The following ATPAF2 variants were observed in gnomAD, a reference collection of about 807,000 sequenced individuals.
ATPAF2 encodes the protein ATP12 homolog.
In ATPAF2, 30 loss-of-function variants were observed where a neutral mutation model predicts 36.6. That is an observed-to-expected ratio of 0.82 (90% CI 0.61 to 1.11). ATPAF2 has a LOEUF of 1.11. Among genes scored for constraint, ATPAF2 ranks in the 50% most tolerant of loss-of-function variants. The pLI is 0.00. For synonymous variants in ATPAF2, 140 were observed against 152.6 expected (o/e 0.92, Z 0.61); for missense variants, 321 against 372.3 (o/e 0.86, Z 1.13).
chr17:18,031,893 C>T (rs2044641703), intron 1 of ATPAF2, among the ~76,000 whole-genome samples: 1 of 152,204 alleles, frequency 6.6e-6, no homozygotes, highest in Non-Finnish European at 1.5e-5. Flanking sequence ...ATACGTTTGA[C>T]ACTAAAATTA....
At chr17:18,020,670 TA>T (rs2044456867) in intron 7 of ATPAF2, 1 of 179,572 alleles carries the variant, frequency 5.6e-6, no homozygotes, top group African/African-American at 2.4e-5. Context: ...TTATTGTTAT[TA>T]TCTTACCTTT....
In ATPAF2 at chr17:18,021,109, G is replaced by T; in HGVS notation, c.732+14C>A. 1 of 1,608,208 alleles carries T rather than the reference G, an allele frequency of 6.2e-7. No individual in the cohort carries two copies. The highest frequency in any genetic ancestry group is 8.5e-7 in the Non-Finnish European group (1 of 1,177,292). ...TAGGAAGGGGGAGGCGGGACCTGAGGTGCTGCTCCTCACCTGGTACTCCTC... is the reference window on the plus strand; with the variant it reads ...TAGGAAGGGGGAGGCGGGACCTGAGTTGCTGCTCCTCACCTGGTACTCCTC... On this transcript the variant is annotated intron_variant, in intron 7 of 7. Transcript: ENST00000474627.
intron 5 of ATPAF2, among the ~76,000 whole-genome samples, chr17:18,022,164 C>G (rs1482777347): frequency 1.3e-5 from 2 of 152,204 alleles, no homozygotes; most frequent in Non-Finnish European, 2.9e-5. Context: ...GAATCTCCAT[C>G]AAAAGGCCAT....
At chr17:18,025,934 A>G (rs2044538583) in intron 4 of ATPAF2, 2 of 344,776 alleles carry the variant, frequency 5.8e-6, no homozygotes, top group South Asian at 2.7e-5. Flanking sequence ...AGAACTGGAG[A>G]AGGACACTCC....
At position 18,018,478 on chromosome 17, in the gene ATPAF2, G is replaced by A; in HGVS notation, c.*71C>T. The A allele has an allele frequency of 1.9e-6, 3 of 1,601,098 alleles. No homozygotes were observed. The highest frequency in any genetic ancestry group is 2.2e-5 in the East Asian group (1 of 44,848). On this transcript the variant is annotated 3_prime_UTR_variant, in exon 8 of 8. Coordinates refer to ENST00000474627, the MANE Select transcript of ATPAF2 (RefSeq NM_145691.4). The stretch of plus-strand genomic sequence containing the variant: ...GCCAAGGAAGCCAGCCCCACAGGCT[G>A]GGGAGCCCTGAAGGCCGGGGGAGCT...
intron 5 of ATPAF2, among the ~76,000 whole-genome samples, chr17:18,022,448 A>AT (rs1315705193): frequency 2.0e-5 from 3 of 151,656 alleles, no homozygotes; most frequent in African/African-American, 7.3e-5. Context: ...CACCTAGCTA[A>AT]TTTTTTTTGT....
At chr17:18,038,430 G>C (rs1460281767) in intron 1 of ATPAF2, among the ~76,000 whole-genome samples, 1 of 152,190 alleles carries the variant, frequency 6.6e-6, no homozygotes, top group Non-Finnish European at 1.5e-5. Context: ...GAAGTGCCCG[G>C]GATGGAGGAA....
intron 1 of ATPAF2, among the ~76,000 whole-genome samples, chr17:18,035,933 C>T (rs2955385): frequency 0.4 from 61,160 of 152,094 alleles, 13,437 homozygotes; most frequent in East Asian, 0.87. Flanking sequence ...TTGACTTCAT[C>T]AGGCAGTTGC....
chr17:18,019,750 T>C (rs988837571), intron 7 of ATPAF2, among the ~76,000 whole-genome samples: 13 of 152,266 alleles, frequency 8.5e-5, no homozygotes, highest in Non-Finnish European at 1.5e-4. Flanking sequence ...ACACAAGCTA[T>C]TTGAACTTCT....
In ATPAF2 at chr17:18,018,050, C is replaced by T. The variant is rs1420997260; in HGVS notation, c.*499G>A. The T allele has an allele frequency of 1.1e-5, 2 of 178,512 alleles. No individual in the cohort carries two copies. Among genetic ancestry groups the T allele is most frequent in the Admixed American group, 5.4e-5 (1 of 18,664 alleles). 11.1% of individuals were successfully genotyped at this position (178,512 alleles called of 1,614,324 possible). A position where few individuals can be genotyped will look rare whatever the true frequency, so the allele number is the denominator to read the frequency against. ...TTCAAAAGATTGTTTGATTAAAAGC[C>T]AGCCAAAAAAAAGCCTTCAGGCTGA... On this transcript the variant is annotated 3_prime_UTR_variant, in exon 8 of 8. Coordinates refer to ENST00000474627, the MANE Select transcript of ATPAF2 (RefSeq NM_145691.4).
At chr17:18,035,666 T>C (rs2044693442) in intron 1 of ATPAF2, among the ~76,000 whole-genome samples, 1 of 152,252 alleles carries the variant, frequency 6.6e-6, no homozygotes, top group African/African-American at 2.4e-5. Context: ...GTTCCAACTA[T>C]TCAACTCTGC....
chr17:18,016,319 G>T (rs566693343), downstream of ATPAF2: 178 of 1,159,714 alleles, frequency 1.5e-4, 3 homozygotes, highest in Middle Eastern at 1.3e-3. Context: ...TAAAATTAAG[G>T]ATTATAGAAT....
At chr17:18,023,291 C>T (rs7215524) in intron 5 of ATPAF2, among the ~76,000 whole-genome samples, 60,936 of 151,146 alleles carry the variant, frequency 0.4, 13,396 homozygotes, top group East Asian at 0.87. Flanking sequence ...ATTAGCTGGG[C>T]GTGGTGGGCG....
rs1403894663 is a variant in ATPAF2, at chr17:18,018,696, GGACAA to G, written c.733-15_733-11del. The G allele has an allele frequency of 9.9e-6, 16 of 1,613,814 alleles. No homozygotes were observed. Among genetic ancestry groups the G allele is most frequent in the African/African-American group, 2.7e-5 (2 of 74,932 alleles). ...TGCCCCACTTCTGGATCTGAGGGAA[GGACAA>G]GACAAGTTGCTGGGTGAGTGGCCAG... is the stretch of plus-strand genomic sequence containing the variant. On this transcript the variant is annotated splice_polypyrimidine_tract_variant and intron_variant, in intron 7 of 7. Coordinates refer to ENST00000474627, the MANE Select transcript of ATPAF2 (RefSeq NM_145691.4).
At chr17:18,028,480 A>G in intron 2 of ATPAF2, 103 bp from the exon 3 acceptor site, 1 of 1,544,564 alleles carries the variant, frequency 6.5e-7, no homozygotes, top group African/African-American at 1.4e-5. Flanking sequence ...GCCAACTCTG[A>G]GTCCCTTACA....
rs2044463062 is a variant in ATPAF2, at chr17:18,021,129, C to T, written c.726G>A (p.Glu242=). ...QAVLLSRLEE[E]YQIQKWGNIE... ...CTGAGGTGCTGCTCCTCACCTGGTA[C>T]TCCTCCTCCAGGCGTGACAGCAGCA... The change falls in exon 7 of 8, where the codon GAG becomes GAA. Residue 242 remains glutamate, a synonymous_variant. Transcript: ENST00000474627. The T allele has an allele frequency of 6.2e-7, 1 of 1,612,968 alleles. No homozygotes were observed. Among genetic ancestry groups the T allele is most frequent in the African/African-American group, 1.3e-5 (1 of 74,918 alleles).
intron 6 of ATPAF2, 71 bp downstream of exon 6, chr17:18,021,674 G>A: frequency 1.5e-6 from 2 of 1,330,568 alleles, no homozygotes; most frequent in Non-Finnish European, 2.2e-6. Context: ...CTGGGGAGGG[G>A]CAAGTACAGG....
chr17:18,017,563 C>T (rs1481822444), downstream of ATPAF2, among the ~76,000 whole-genome samples: 1 of 152,272 alleles, frequency 6.6e-6, no homozygotes, highest in Non-Finnish European at 1.5e-5. Context: ...GGCATCCCAG[C>T]TCCACCATGT....
downstream of ATPAF2, chr17:18,015,725 T>C (rs2044335431): frequency 8.8e-6 from 2 of 227,046 alleles, no homozygotes; most frequent in Non-Finnish European, 1.8e-5. Flanking sequence ...TTGAGAGTAA[T>C]TGAGAGAGAA....
Sources: gnomAD v4.1 joint callset for allele counts (sites outside exome capture counted in the v4.1 genomes callset) on GRCh38, gnomAD v4.1.1 for gene constraint, MANE v1.5 for transcripts, NCBI Gene and HGNC (gene_info 2026-07-23, HGNC 2026-07-21) for gene names.